The following KCNJ3 variants were observed in gnomAD, a reference collection of about 807,000 sequenced individuals.
KCNJ3 encodes the protein G protein-activated inward rectifier potassium channel 1.
In KCNJ3, 4 loss-of-function variants were observed where a neutral mutation model predicts 39.2. The observed-to-expected ratio is 0.10, with a 90% confidence interval of 0.05 to 0.23. The LOEUF is 0.23. Among genes scored for constraint, KCNJ3 ranks in the 10% least tolerant of loss-of-function variants. The pLI, the probability that KCNJ3 is intolerant of heterozygous loss-of-function variation, is 1.00. For missense variants in KCNJ3, 276 were observed against 634.9 expected, an observed-to-expected ratio of 0.43 and a Z score of 6.08; for synonymous variants, 230 against 237.4, an observed-to-expected ratio of 0.97 and a Z score of 0.29.
At chr2:154,776,538 A>G (rs955815670) in intron 2 of KCNJ3, among the ~76,000 whole-genome samples, 1 of 152,206 alleles carries the variant, frequency 6.6e-6, no homozygotes, top group Non-Finnish European at 1.5e-5. Flanking sequence ...TTCAAATCTC[A>G]TTATTTAGTA....
chr2:154,823,710 C>T (rs928779607), intron 2 of KCNJ3, among the ~76,000 whole-genome samples: 1 of 152,050 alleles, frequency 6.6e-6, no homozygotes, highest in Non-Finnish European at 1.5e-5. Flanking sequence ...CTTACTCAGC[C>T]CAATTTAAAT....
At chr2:154,718,821 G>A (rs1029826500) in intron 2 of KCNJ3, among the ~76,000 whole-genome samples, 1 of 152,118 alleles carries the variant, frequency 6.6e-6, no homozygotes, top group South Asian at 2.1e-4. Context: ...GCTGGTATGG[G>A]TGAATTACCA....
At chr2:154,784,110 G>T (rs1363111289) in intron 2 of KCNJ3, among the ~76,000 whole-genome samples, 1 of 152,100 alleles carries the variant, frequency 6.6e-6, no homozygotes, top group African/African-American at 2.4e-5. Context: ...GTCAACAATT[G>T]TAACAAGCAT....
chr2:154,793,877 TA>T (rs1249473442), intron 2 of KCNJ3, among the ~76,000 whole-genome samples: 6 of 152,150 alleles, frequency 3.9e-5, no homozygotes, highest in Admixed American at 2.0e-4. Flanking sequence ...TAAATATATG[TA>T]ATTGGATTTA....
At chr2:154,735,366 G>C (rs1685513246) in intron 2 of KCNJ3, among the ~76,000 whole-genome samples, 2 of 151,316 alleles carry the variant, frequency 1.3e-5, no homozygotes, top group South Asian at 2.1e-4. Context: ...CGTCCGCCTC[G>C]GCATCCCAAA....
chr2:154,835,297 A>G (rs921673254), intron 2 of KCNJ3, among the ~76,000 whole-genome samples: 4 of 151,612 alleles, frequency 2.6e-5, no homozygotes, highest in Non-Finnish European at 5.9e-5. Context: ...ATTAGGCAGC[A>G]TAAAATGTTA....
At chr2:154,780,882 C>T (rs1478422993) in intron 2 of KCNJ3, among the ~76,000 whole-genome samples, 1 of 152,068 alleles carries the variant, frequency 6.6e-6, no homozygotes, top group Non-Finnish European at 1.5e-5. Context: ...TACTTGCTAT[C>T]CCCAGAACAG....
chr2:154,705,464 A>C (rs932540317), intron 1 of KCNJ3, among the ~76,000 whole-genome samples: 3 of 152,100 alleles, frequency 2.0e-5, no homozygotes, highest in African/African-American at 7.2e-5. Context: ...GTGACTTTTG[A>C]TTCTTTTTCC....
chr2:154,725,334 G>A (rs1415181076), intron 2 of KCNJ3, among the ~76,000 whole-genome samples: 1 of 150,526 alleles, frequency 6.6e-6, no homozygotes, highest in Non-Finnish European at 1.5e-5. Flanking sequence ...AGATGTTTTG[G>A]GAAGATATCT....
chr2:154,804,570 C>T (rs1190975623), intron 2 of KCNJ3, among the ~76,000 whole-genome samples: 1 of 152,110 alleles, frequency 6.6e-6, no homozygotes, highest in Non-Finnish European at 1.5e-5. Context: ...TGCTGAATTT[C>T]TCATCAGGTA....
At chr2:154,709,975 C>A in intron 2 of KCNJ3, 156 bp downstream of exon 2, 3 of 894,294 alleles carry the variant, frequency 3.4e-6, no homozygotes, top group Non-Finnish European at 4.9e-6. Context: ...TAAATTGATA[C>A]CATTTTGAAA....
At chr2:154,850,419 AGTT>A (rs1687739415) in intron 2 of KCNJ3, among the ~76,000 whole-genome samples, 1 of 152,172 alleles carries the variant, frequency 6.6e-6, no homozygotes, top group African/African-American at 2.4e-5. Context: ...AAATCTTCTC[AGTT>A]GAAATTTGCA....
At chr2:154,790,164 A>G (rs996029464) in intron 2 of KCNJ3, among the ~76,000 whole-genome samples, 1 of 152,050 alleles carries the variant, frequency 6.6e-6, no homozygotes, top group African/African-American at 2.4e-5. Flanking sequence ...CAAAAATAGC[A>G]CAGTGTTCAA....
intron 2 of KCNJ3, among the ~76,000 whole-genome samples, chr2:154,768,811 A>G (rs1686181666): frequency 6.6e-6 from 1 of 152,160 alleles, no homozygotes; most frequent in African/African-American, 2.4e-5. Flanking sequence ...GATTCTTCCT[A>G]TCCATGAGCA....
chr2:154,711,237 C>T (rs1479024236), intron 2 of KCNJ3, among the ~76,000 whole-genome samples: 1 of 151,888 alleles, frequency 6.6e-6, no homozygotes, highest in Non-Finnish European at 1.5e-5. Context: ...TATATAAAGG[C>T]TCGTAGTCCA....
At chr2:154,755,217 C>T (rs537427293) in intron 2 of KCNJ3, among the ~76,000 whole-genome samples, 1 of 152,090 alleles carries the variant, frequency 6.6e-6, no homozygotes, top group South Asian at 2.1e-4. Flanking sequence ...GTATGTCTGG[C>T]ATATTTGCCA....
intron 2 of KCNJ3, among the ~76,000 whole-genome samples, chr2:154,728,089 T>C (rs1685390529): frequency 6.6e-6 from 1 of 152,068 alleles, no homozygotes; most frequent in Non-Finnish European, 1.5e-5. Flanking sequence ...TTCTTATTAG[T>C]ATTTCATTAA....
chr2:154,778,462 A>T (rs1404301271), intron 2 of KCNJ3, among the ~76,000 whole-genome samples: 1 of 152,120 alleles, frequency 6.6e-6, no homozygotes, highest in Non-Finnish European at 1.5e-5. Context: ...AGTAAACCAA[A>T]ATCCCTAAGA....
chr2:154,728,166 T>C (rs1264158851), intron 2 of KCNJ3, among the ~76,000 whole-genome samples: 1 of 152,108 alleles, frequency 6.6e-6, no homozygotes, highest in Non-Finnish European at 1.5e-5. Flanking sequence ...TCATATTGCA[T>C]ATGTATTAGT....
Sources: gnomAD v4.1 joint callset for allele counts (sites outside exome capture counted in the v4.1 genomes callset) on GRCh38, gnomAD v4.1.1 for gene constraint, MANE v1.5 for transcripts, NCBI Gene and HGNC (gene_info 2026-07-23, HGNC 2026-07-21) for gene names.